PUM1: variants seen among roughly 807,000 people sequenced by gnomAD.
PUM1 encodes the protein pumilio RNA binding family member 1.
A neutral mutation model predicts 131.8 loss-of-function variants in PUM1; 13 were observed. The ratio of observed to expected loss-of-function variants is 0.10; its 90% CI spans 0.06 to 0.16. The LOEUF (loss-of-function observed/expected upper bound fraction) is 0.16, where lower values mean the gene tolerates loss of function less well. Among genes scored for constraint, PUM1 ranks in the 10% least tolerant of loss-of-function variants. The probability of loss-of-function intolerance (pLI) is 1.00; values close to 1 mark genes in which losing one functional copy is unlikely to be tolerated. For synonymous variants in PUM1, 509 were observed against 556.5 expected (o/e 0.91, Z 1.20); for missense variants, 961 against 1,512.4 (o/e 0.64, Z 6.05).
chr1:30,972,392 G>C, intron 10 of PUM1, among the ~76,000 whole-genome samples: 2 of 32 alleles, frequency 0.062, 1 homozygote, highest in Non-Finnish European at 0.11. Context: ...GGGAGGGGAG[G>C]GGAGGGGAGG....
chr1:30,989,707 C>T (rs376532992), intron 7 of PUM1, among the ~76,000 whole-genome samples: 60 of 151,576 alleles, frequency 4.0e-4, no homozygotes, highest in Admixed American at 3.0e-3. Flanking sequence ...CACTTGTCAT[C>T]GAGTACTTCC....
intron 3 of PUM1, among the ~76,000 whole-genome samples, chr1:31,017,956 T>C (rs770005827): frequency 2.0e-5 from 3 of 152,092 alleles, no homozygotes; most frequent in Non-Finnish European, 4.4e-5. Flanking sequence ...GTAATCCAGA[T>C]GTGAAATGGT....
chr1:30,988,322 G>T (rs1366940724), intron 7 of PUM1, among the ~76,000 whole-genome samples: 1 of 152,156 alleles, frequency 6.6e-6, no homozygotes, highest in Admixed American at 6.5e-5. Flanking sequence ...TTCCCTATTT[G>T]CAGGCTGCTC....
In PUM1 at chr1:30,967,191, T is replaced by C; in HGVS notation, c.1765A>G (p.Ile589Val). Residue 589 changes from isoleucine (I) to valine (V), a missense_variant, in exon 12 of 22, where the codon ATT (isoleucine) becomes GTT (valine). Coordinates refer to ENST00000426105, the MANE Select transcript of PUM1 (RefSeq NM_001020658.2). ...VRLVAPAPVI[I>V]SSSAAQAAVA... ...CCTGCTTGTGCAGCTGAGGAACTAA[T>C]GATGACTGGGGCAGGAGCTACAAGT... 1.2e-6 allele frequency: 2 copies of C among 1,614,160 alleles called. No individual in the cohort carries two copies. Among genetic ancestry groups the C allele is most frequent in the Non-Finnish European group, 1.7e-6 (2 of 1,180,012 alleles).
chr1:30,951,014 G>A (rs1639913238), intron 16 of PUM1, among the ~76,000 whole-genome samples: 1 of 152,176 alleles, frequency 6.6e-6, no homozygotes, highest in African/African-American at 2.4e-5. Context: ...ATCAAGAAGT[G>A]AGGCTACACA....
At position 30,969,337 on chromosome 1, in the gene PUM1, G is replaced by GA. The variant is rs1179276877; in HGVS notation, c.1507-846dup. Reference sequence around the variant, plus strand: ...CACACAAAAAAAAAAAAAAAAAAAAGAAAAAAAAAGAGTATTAATGGGGGT... The same window carrying GA: ...CACACAAAAAAAAAAAAAAAAAAAAGAAAAAAAAAAGAGTATTAATGGGGGT... On this transcript the variant is annotated intron_variant, in intron 10 of 21. Coordinates refer to ENST00000426105, the MANE Select transcript of PUM1 (RefSeq NM_001020658.2). Among the ~76,000 whole-genome samples, 415 of 115,318 alleles carry GA rather than the reference G, an allele frequency of 3.6e-3. 2 individuals carry two copies. The highest frequency in any genetic ancestry group is 0.012 in the African/African-American group (375 of 30,946). The allele number at this position is 115,318 out of a possible 152,430, so 75.7% of individuals were successfully genotyped here.
At chr1:31,005,332 G>A (rs1220020039) in intron 5 of PUM1, among the ~76,000 whole-genome samples, 1 of 150,830 alleles carries the variant, frequency 6.6e-6, no homozygotes, top group Admixed American at 6.6e-5. Context: ...TGACAGGCCA[G>A]GTGTGAGAAA....
Position 31,033,386 on chromosome 1 carries a change from T to TC in PUM1, c.364-4523_364-4522insG, listed in dbSNP as rs1643502888. ...CATCCAGCTAATTTTCTTTTTTTTT[T>TC]TTTTTTTTTTTTTTTTTGAGACGGA... On this transcript the variant is annotated intron_variant, in intron 2 of 21. Transcript: ENST00000426105. Among the ~76,000 whole-genome samples the TC allele has an allele frequency of 6.0e-5, 4 of 66,604 alleles. No homozygotes were observed. The South Asian group carries it at 1.8e-3, about 30-fold the overall frequency. 43.7% of individuals were successfully genotyped at this position (66,604 alleles called of 152,430 possible).
intron 2 of PUM1, among the ~76,000 whole-genome samples, chr1:31,054,109 AAAAAAAAAAAAG>A (rs1289032513): frequency 6.7e-6 from 1 of 149,330 alleles, no homozygotes; most frequent in Non-Finnish European, 1.5e-5. Context: ...AAAAAAAAAA[AAAAAAAAAAAAG>A]GAGTTTGAGA....
intron 2 of PUM1, among the ~76,000 whole-genome samples, chr1:31,050,453 C>G (rs967013195): frequency 6.6e-6 from 1 of 150,758 alleles, no homozygotes; most frequent in Admixed American, 6.7e-5. Flanking sequence ...CAGTGGGTGA[C>G]AAAGTGAGAC....
At chr1:30,945,547 CT>C (rs1460356753) in intron 17 of PUM1, 64 bp from the exon 18 acceptor site, 2 of 1,563,488 alleles carry the variant, frequency 1.3e-6, no homozygotes, top group Non-Finnish European at 1.8e-6. Flanking sequence ...AAATAATATT[CT>C]TTTCACCAAA....
intron 2 of PUM1, among the ~76,000 whole-genome samples, chr1:31,046,082 A>G (rs1643953882): frequency 6.8e-6 from 1 of 146,400 alleles, no homozygotes; most frequent in East Asian, 2.1e-4. Context: ...ACTCTGTCTC[A>G]AAATAATTTA....
intron 5 of PUM1, among the ~76,000 whole-genome samples, chr1:31,004,273 A>G (rs1642320965): frequency 6.6e-6 from 1 of 152,190 alleles, no homozygotes; most frequent in Non-Finnish European, 1.5e-5. Context: ...TCTGCCTCCT[A>G]CAAGCTTCAC....
intron 21 of PUM1, among the ~76,000 whole-genome samples, chr1:30,934,206 CT>C (rs1041028169): frequency 6.6e-6 from 1 of 152,182 alleles, no homozygotes; most frequent in African/African-American, 2.4e-5. Flanking sequence ...CTGGAAGCCC[CT>C]TTTCTTTTCT....
chr1:30,995,367 A>G (rs1010922151), intron 5 of PUM1, 147 bp from the exon 6 acceptor site: 21 of 854,648 alleles, frequency 2.5e-5, no homozygotes, highest in Non-Finnish European at 1.3e-5. Flanking sequence ...AACAAACAAC[A>G]CAGAGGCAGG....
chr1:31,014,301 CAAAAAAA>C (rs745510280), intron 3 of PUM1, among the ~76,000 whole-genome samples: 27 of 76,084 alleles, frequency 3.5e-4, no homozygotes, highest in Admixed American at 6.4e-4. Context: ...ATCCAGTCTC[CAAAAAAA>C]AAAAAAAAAA....
At chr1:31,016,447 T>G (rs976227257) in intron 3 of PUM1, among the ~76,000 whole-genome samples, 3 of 152,188 alleles carry the variant, frequency 2.0e-5, no homozygotes, top group African/African-American at 7.2e-5. Flanking sequence ...AGTGAAGGAA[T>G]AAGATCTTCC....
At chr1:30,985,564 A>G (rs1468053411) in intron 7 of PUM1, among the ~76,000 whole-genome samples, 1 of 148,650 alleles carries the variant, frequency 6.7e-6, no homozygotes, top group Non-Finnish European at 1.5e-5. Flanking sequence ...AGGCAGAAGA[A>G]TTGCTTGAAC....
At chr1:30,947,712 A>G (rs764270504) in intron 17 of PUM1, among the ~76,000 whole-genome samples, 7 of 152,200 alleles carry the variant, frequency 4.6e-5, no homozygotes, top group Non-Finnish European at 7.3e-5. Context: ...TCACATCAAA[A>G]TAGTGATGTT....
Sources: gnomAD v4.1 joint callset for allele counts (sites outside exome capture counted in the v4.1 genomes callset) on GRCh38, gnomAD v4.1.1 for gene constraint, MANE v1.5 for transcripts, NCBI Gene and HGNC (gene_info 2026-07-23, HGNC 2026-07-21) for gene names.